Variants in FSTL4 observed in about 807,000 individuals in gnomAD.
FSTL4 encodes the protein follistatin like 4.
FSTL4 carries 28 observed loss-of-function variants against 78.2 expected under a neutral mutation model. That is an observed-to-expected ratio of 0.36 (90% confidence interval 0.27 to 0.49). FSTL4 has a LOEUF of 0.49. Among genes scored for constraint, FSTL4 ranks in the 20% least tolerant of loss-of-function variants. The pLI, the probability that FSTL4 is intolerant of heterozygous loss-of-function variation, is 0.98. For synonymous variants in FSTL4, 422 were observed against 440.5 expected, an observed-to-expected ratio of 0.96 and a Z score of 0.53; for missense variants, 922 against 1,084.9, an observed-to-expected ratio of 0.85 and a Z score of 2.11.
At chr5:133,721,413 C>T in the FSTL4 span, among the ~76,000 whole-genome samples, 4 of 152,092 alleles carry the variant, frequency 2.6e-5, no homozygotes, top group Non-Finnish European at 4.4e-5. Context: ...AATTATTGTC[C>T]TTTTATTCCC....
the FSTL4 span, among the ~76,000 whole-genome samples, chr5:133,696,362 C>T: frequency 7.2e-5 from 11 of 152,330 alleles, no homozygotes; most frequent in Admixed American, 2.6e-4. Context: ...TCTGGGCATC[C>T]GCCCCATCCA....
intron 6 of FSTL4, among the ~76,000 whole-genome samples, chr5:133,298,241 G>A (rs937747963): frequency 2.6e-5 from 4 of 152,234 alleles, no homozygotes; most frequent in African/African-American, 9.6e-5. Context: ...TATGAATGCT[G>A]TATGATTACC....
At chr5:133,599,222 G>A (rs138983432) in intron 2 of FSTL4, among the ~76,000 whole-genome samples, 28 of 152,318 alleles carry the variant, frequency 1.8e-4, no homozygotes, top group Non-Finnish European at 3.4e-4. Flanking sequence ...CCCAGCCAAG[G>A]CGGAACGAAG....
At chr5:133,641,941 CTCTTTCT>C in the FSTL4 span, among the ~76,000 whole-genome samples, 7 of 149,152 alleles carry the variant, frequency 4.7e-5, no homozygotes, top group Non-Finnish European at 1.0e-4. Context: ...TTCTTCTTTC[CTCTTTCT>C]TCTTTCTTCT....
rs149767578 is a variant in FSTL4 at position 133,203,924 on chromosome 5, C to T, written c.1717-1882G>A. Among the ~76,000 whole-genome samples, 346 of 152,342 alleles carry T rather than the reference C, an allele frequency of 2.3e-3. 1 individual carries two copies. Among genetic ancestry groups the T allele is most frequent in the African/African-American group, 7.9e-3 (329 of 41,586 alleles). On this transcript the variant is annotated intron_variant, in intron 14 of 15. Transcript: ENST00000265342. ...TTTCTCTGAGTCACGAGTTCCTCCT[C>T]GGCTTTTTCTTGTGTCCTGACACAC...
intron 3 of FSTL4, among the ~76,000 whole-genome samples, chr5:133,548,682 C>T (rs554622925): frequency 1.1e-4 from 17 of 152,126 alleles, no homozygotes; most frequent in African/African-American, 2.7e-4. Flanking sequence ...AGTAGCTCAA[C>T]GGAGAACTGG....
chr5:133,724,534 C>T, the FSTL4 span, among the ~76,000 whole-genome samples: 1 of 152,242 alleles, frequency 6.6e-6, no homozygotes, highest in South Asian at 2.1e-4. Context: ...TGTAGTCAGT[C>T]ACCTTGTTGA....
chr5:133,530,773 G>A (rs1312201240), intron 3 of FSTL4, among the ~76,000 whole-genome samples: 10 of 152,194 alleles, frequency 6.6e-5, no homozygotes, highest in Admixed American at 6.5e-4. Flanking sequence ...CATTGACAGA[G>A]GAGGGCCAAG....
At chr5:133,539,353 A>T (rs1759420873) in intron 3 of FSTL4, among the ~76,000 whole-genome samples, 1 of 152,036 alleles carries the variant, frequency 6.6e-6, no homozygotes, top group Non-Finnish European at 1.5e-5. Context: ...CCAGGATCGA[A>T]ATCAGGTTAT....
chr5:133,422,385 G>A (rs1489638755), intron 3 of FSTL4, among the ~76,000 whole-genome samples: 1 of 152,164 alleles, frequency 6.6e-6, no homozygotes, highest in Non-Finnish European at 1.5e-5. Flanking sequence ...AGAGAGCCGG[G>A]CCTGGACTGG....
intron 14 of FSTL4, among the ~76,000 whole-genome samples, chr5:133,204,922 G>A (rs1176375625): frequency 6.6e-6 from 1 of 151,962 alleles, no homozygotes; most frequent in African/African-American, 2.4e-5. Context: ...ATTTCCAGGA[G>A]CAGTTTTTGT....
intron 4 of FSTL4, among the ~76,000 whole-genome samples, chr5:133,364,793 C>A (rs1487614913): frequency 6.6e-6 from 1 of 152,208 alleles, no homozygotes; most frequent in Non-Finnish European, 1.5e-5. Context: ...CCAAAGCCCA[C>A]CGAAATCTTT....
At chr5:133,264,369 C>G (rs1412540213) in intron 6 of FSTL4, among the ~76,000 whole-genome samples, 1 of 152,182 alleles carries the variant, frequency 6.6e-6, no homozygotes, top group Non-Finnish European at 1.5e-5. Context: ...ACATCCCTGT[C>G]CTAACTCACC....
At position 133,225,081 on chromosome 5, in the gene FSTL4, G is replaced by T. The variant is rs1475224282; in HGVS notation, c.1312+69C>A. 2 of 1,577,610 alleles carry T rather than the reference G, an allele frequency of 1.3e-6. No individual in the cohort carries two copies. Among genetic ancestry groups the T allele is most frequent in the Non-Finnish European group, 1.7e-6 (2 of 1,149,408 alleles). ...TTGGCAGCTGTGGCCCTGGTCAATT[G>T]GTGCCCTCCCTTGCCACCCAACACC... On this transcript the variant is annotated intron_variant, in intron 10 of 15. Transcript: ENST00000265342. The surrounding 1 kb of genome is among the most constrained non-coding windows in gnomAD (Gnocchi z 4.6).
intron 3 of FSTL4, among the ~76,000 whole-genome samples, chr5:133,535,983 T>G (rs1379377033): frequency 6.6e-6 from 1 of 152,072 alleles, no homozygotes; most frequent in Non-Finnish European, 1.5e-5. Context: ...GTAGGGACAA[T>G]GCCTTGTTCA....
Position 133,411,860 on chromosome 5 carries a change from C to G in FSTL4, c.161-10874G>C, listed in dbSNP as rs559123364. ...TTAAAATTATAAGAGAATTATGAAA[C>G]TAGTTGGACAGATGATAAATATGCC... On this transcript the variant is annotated intron_variant, in intron 3 of 15. Transcript: ENST00000265342. Among the ~76,000 whole-genome samples, 10 of 152,198 alleles carry G rather than the reference C, an allele frequency of 6.6e-5. 1 individual carries two copies. In the South Asian group the frequency reaches 1.9e-3, roughly 28 times the overall value.
intron 7 of FSTL4, among the ~76,000 whole-genome samples, chr5:133,239,975 C>T (rs760927209): frequency 4.6e-5 from 7 of 152,200 alleles, no homozygotes; most frequent in South Asian, 2.1e-4. Context: ...AGCAGACCTC[C>T]GGAGTCAGAA....
the FSTL4 span, among the ~76,000 whole-genome samples, chr5:133,681,991 G>A: frequency 2.6e-5 from 4 of 152,176 alleles, no homozygotes; most frequent in East Asian, 1.9e-4. Flanking sequence ...CAGTGGTTTC[G>A]TTCCATTGCA....
the FSTL4 span, among the ~76,000 whole-genome samples, chr5:133,754,063 C>G: frequency 6.6e-6 from 1 of 152,138 alleles, no homozygotes; most frequent in Non-Finnish European, 1.5e-5. Context: ...TGAGGATATC[C>G]CAGCCCCATG....
Sources: gnomAD v4.1 joint callset for allele counts (sites outside exome capture counted in the v4.1 genomes callset) on GRCh38, gnomAD v4.1.1 for gene constraint, Gnocchi (gnomAD v3.1) non-coding constraint, MANE v1.5 for transcripts, NCBI Gene and HGNC (gene_info 2026-07-23, HGNC 2026-07-21) for gene names.